ERC1: variants seen among roughly 807,000 people sequenced by gnomAD.
The protein encoded by ERC1 is RAB6 interacting protein 2.
Under a neutral mutation model 132.0 loss-of-function variants are expected in ERC1, and 56 were observed. That is an observed-to-expected ratio of 0.42 (90% CI 0.34 to 0.53). The LOEUF (loss-of-function observed/expected upper bound fraction) is 0.53. Ranked by LOEUF, ERC1 falls within the 20% of genes least tolerant of loss-of-function variation. The pLI is 0.03. For missense variants in ERC1, 1,202 were observed against 1,349.9 expected (o/e 0.89, Z 1.72); for synonymous variants, 478 against 476.1 (o/e 1.00, Z -0.05).
chr12:1,304,666 CTGA>C (rs1476747335), intron 15 of ERC1, among the ~76,000 whole-genome samples: 23 of 150,674 alleles, frequency 1.5e-4, no homozygotes, highest in African/African-American at 5.6e-4. Context: ...TCTGGAGAGT[CTGA>C]TAATTGGCAT....
intron 18 of ERC1, among the ~76,000 whole-genome samples, chr12:1,476,718 G>A (rs1043040800): frequency 6.6e-6 from 1 of 152,090 alleles, no homozygotes; most frequent in African/African-American, 2.4e-5. Context: ...GAATGGTCTG[G>A]TTACTTGTCA....
chr12:1,306,620 C>T (rs2080904586), intron 15 of ERC1, among the ~76,000 whole-genome samples: 1 of 152,188 alleles, frequency 6.6e-6, no homozygotes, highest in Non-Finnish European at 1.5e-5. Flanking sequence ...TAAGTAGATG[C>T]TGCAGCTCTG....
At chr12:1,075,804 A>G (rs949858834) in intron 2 of ERC1, among the ~76,000 whole-genome samples, 1 of 152,206 alleles carries the variant, frequency 6.6e-6, no homozygotes, top group African/African-American at 2.4e-5. Context: ...GACCATCACG[A>G]AGATCTTCAT....
intron 2 of ERC1, among the ~76,000 whole-genome samples, chr12:1,061,576 C>T (rs763923948): frequency 2.6e-5 from 4 of 152,162 alleles, no homozygotes; most frequent in Middle Eastern, 3.4e-3. Context: ...GCACTCCAGC[C>T]GGGGTGACAG....
At chr12:1,083,650 G>A in intron 3 of ERC1, 70 bp downstream of exon 3, 1 of 1,244,114 alleles carries the variant, frequency 8.0e-7, no homozygotes, top group Non-Finnish European at 1.1e-6. Flanking sequence ...TCAGCATCTT[G>A]GCCCCAGTGA....
At chr12:1,208,741 A>C (rs1344835098) in intron 12 of ERC1, among the ~76,000 whole-genome samples, 1 of 152,002 alleles carries the variant, frequency 6.6e-6, no homozygotes, top group Non-Finnish European at 1.5e-5. Context: ...GAAATTGATT[A>C]ATTCTGAATA....
At chr12:1,425,056 C>T (rs1405902554) in intron 17 of ERC1, among the ~76,000 whole-genome samples, 1 of 151,930 alleles carries the variant, frequency 6.6e-6, no homozygotes, top group Non-Finnish European at 1.5e-5. Flanking sequence ...GTTCAGTTGC[C>T]TGTTAATTTT....
intron 7 of ERC1, among the ~76,000 whole-genome samples, chr12:1,122,533 C>A (rs369319387): frequency 2.2e-5 from 2 of 92,832 alleles, no homozygotes; most frequent in African/African-American, 5.4e-5. Context: ...ATCTCTATCT[C>A]TATCTCTATC....
At chr12:1,035,878 C>T (rs1384735718) in intron 2 of ERC1, among the ~76,000 whole-genome samples, 2 of 151,550 alleles carry the variant, frequency 1.3e-5, no homozygotes, top group East Asian at 3.9e-4. Context: ...GCTGAGATCG[C>T]ACCACTGCAC....
chr12:1,439,161 C>T (rs978764609), intron 17 of ERC1, among the ~76,000 whole-genome samples: 8 of 152,120 alleles, frequency 5.3e-5, no homozygotes, highest in African/African-American at 1.9e-4. Flanking sequence ...ACTGGACAGA[C>T]GCTTCACTCT....
At chr12:1,078,813 T>A (rs1941738967) in intron 2 of ERC1, among the ~76,000 whole-genome samples, 1 of 151,966 alleles carries the variant, frequency 6.6e-6, no homozygotes, top group Non-Finnish European at 1.5e-5. Context: ...TGATTTGTAA[T>A]ATGACAAAAG....
chr12:1,095,398 A>C (rs1229153697), intron 3 of ERC1, among the ~76,000 whole-genome samples: 1 of 2,580 alleles, frequency 3.9e-4, no homozygotes, highest in African/African-American at 4.4e-4. Flanking sequence ...CCACTGCACC[A>C]AAAAAAAAAA....
At chr12:1,144,540 T>C (rs1335928713) in intron 8 of ERC1, among the ~76,000 whole-genome samples, 1 of 151,124 alleles carries the variant, frequency 6.6e-6, no homozygotes, top group Non-Finnish European at 1.5e-5. Flanking sequence ...CTTAGAATAA[T>C]GGTCTCCAAC....
chr12:1,190,201 C>T (rs762699763), intron 12 of ERC1, 149 bp downstream of exon 12: 4 of 792,212 alleles, frequency 5.0e-6, no homozygotes, highest in Non-Finnish European at 6.8e-6. Flanking sequence ...TTTTCTAGGT[C>T]AGTTGTACGT....
At chr12:1,143,659 T>G (rs958584714) in intron 8 of ERC1, among the ~76,000 whole-genome samples, 1 of 151,902 alleles carries the variant, frequency 6.6e-6, no homozygotes, top group African/African-American at 2.4e-5. Flanking sequence ...CTTTAATTCT[T>G]TCTGTTGCAT....
At chr12:1,206,318 C>A (rs1957347715) in intron 12 of ERC1, among the ~76,000 whole-genome samples, 1 of 151,984 alleles carries the variant, frequency 6.6e-6, no homozygotes, top group African/African-American at 2.4e-5. Flanking sequence ...GTTTGGGTGA[C>A]TTCATTATAT....
At chr12:1,208,983 T>C (rs1957603557) in intron 12 of ERC1, among the ~76,000 whole-genome samples, 1 of 110,404 alleles carries the variant, frequency 9.1e-6, no homozygotes, top group African/African-American at 3.7e-5. Flanking sequence ...TTTTTTTTTT[T>C]TTTGAGGTGG....
intron 15 of ERC1, among the ~76,000 whole-genome samples, chr12:1,318,113 T>C (rs2081892953): frequency 2.0e-5 from 3 of 152,208 alleles, no homozygotes; most frequent in South Asian, 4.1e-4. Context: ...TGATGTGATA[T>C]CTATTTTAAG....
chr12:1,167,103 T>C (rs1338842102), intron 8 of ERC1, among the ~76,000 whole-genome samples: 1 of 152,218 alleles, frequency 6.6e-6, no homozygotes, highest in East Asian at 1.9e-4. Context: ...GCACACATTT[T>C]AAACTTGAAA....
Sources: allele counts gnomAD v4.1 joint callset (sites outside exome capture counted in the v4.1 genomes callset), GRCh38; gene constraint gnomAD v4.1.1; transcripts MANE v1.5; gene names NCBI Gene and HGNC (gene_info 2026-07-23, HGNC 2026-07-21).